CDIN1: variants seen among roughly 807,000 people sequenced by gnomAD.
The protein encoded by CDIN1 is CDAN1-interacting nuclease 1.
A neutral mutation model predicts 45.3 loss-of-function variants in CDIN1; 33 were observed. That is an observed-to-expected ratio of 0.73 (90% confidence interval 0.55 to 0.97). The LOEUF is 0.97. Among genes scored for constraint, CDIN1 ranks in the 50% least tolerant of loss-of-function variants. The pLI, the probability that CDIN1 is intolerant of heterozygous loss-of-function variation, is 0.00. For missense variants in CDIN1, 303 were observed against 339.4 expected (o/e 0.89, Z 0.84); for synonymous variants, 118 against 124.4 (o/e 0.95, Z 0.34).
At chr15:36,736,281 C>T (rs2044015769) in intron 10 of CDIN1, among the ~76,000 whole-genome samples, 1 of 152,150 alleles carries the variant, frequency 6.6e-6, no homozygotes, top group African/African-American at 2.4e-5. Flanking sequence ...AGTTTTCCCT[C>T]TTCCCTAGAA....
intron 3 of CDIN1, among the ~76,000 whole-genome samples, chr15:36,647,308 A>C (rs1202648146): frequency 6.6e-6 from 1 of 152,200 alleles, no homozygotes; most frequent in Non-Finnish European, 1.5e-5. Flanking sequence ...TACACGCCTG[A>C]GCCACTGTGC....
At chr15:36,603,702 A>C (rs2038220537) in intron 1 of CDIN1, among the ~76,000 whole-genome samples, 1 of 152,192 alleles carries the variant, frequency 6.6e-6, no homozygotes, top group Non-Finnish European at 1.5e-5. Flanking sequence ...TAAAGAGGTA[A>C]AATTCTTCCT....
chr15:36,700,651 T>C (rs1040454381), intron 8 of CDIN1, among the ~76,000 whole-genome samples: 3 of 151,566 alleles, frequency 2.0e-5, no homozygotes, highest in African/African-American at 7.3e-5. Context: ...AGCTAACTAC[T>C]CTTAAGCCTG....
intron 5 of CDIN1, among the ~76,000 whole-genome samples, chr15:36,659,165 A>G (rs2040893877): frequency 6.6e-6 from 1 of 152,206 alleles, no homozygotes. Flanking sequence ...ACTGGCCTAT[A>G]TAGAGCAGTA....
At chr15:36,650,397 A>G (rs949822923) in intron 3 of CDIN1, among the ~76,000 whole-genome samples, 1 of 149,886 alleles carries the variant, frequency 6.7e-6, no homozygotes, top group African/African-American at 2.5e-5. Context: ...AAAGCTTGAG[A>G]AAATTTTTAT....
intron 10 of CDIN1, among the ~76,000 whole-genome samples, chr15:36,768,549 AAAG>A (rs67045347): frequency 0.83 from 126,180 of 151,912 alleles, 54,116 homozygotes; most frequent in East Asian, 0.95. Context: ...GCAAGCCAGA[AAAG>A]AAGAAGTTTC....
In CDIN1 at chr15:36,579,907, T is replaced by G; in HGVS notation, c.47T>G (p.Val16Gly). Reference sequence around the variant, plus strand: ...TACGACGAGATAGCCCAGTGCCTAGTGTCTGTGCCGCCTACCAGGCAGAGC... The same window carrying G: ...TACGACGAGATAGCCCAGTGCCTAGGGTCTGTGCCGCCTACCAGGCAGAGC... The part of the protein sequence containing the change: ...AQYDEIAQCL[V>G]SVPPTRQSLR... The change falls in exon 1 of 11, where the codon GTG (valine) becomes GGG (glycine). Residue 16 changes from valine to glycine, a missense_variant. By Grantham distance (109) the Val-to-Gly change is moderately radical. Transcript: ENST00000566621. The G allele has an allele frequency of 3.1e-6, 5 of 1,613,996 alleles. No homozygotes were observed. Among genetic ancestry groups the G allele is most frequent in the Non-Finnish European group, 3.4e-6 (4 of 1,179,890 alleles).
chr15:36,737,691 G>A (rs1293523511), intron 10 of CDIN1, among the ~76,000 whole-genome samples: 2 of 152,110 alleles, frequency 1.3e-5, no homozygotes, highest in African/African-American at 4.8e-5. Flanking sequence ...ATGAGTCAGA[G>A]GACAATCACT....
At chr15:36,734,570 C>T (rs1013444050) in intron 10 of CDIN1, among the ~76,000 whole-genome samples, 3 of 152,072 alleles carry the variant, frequency 2.0e-5, no homozygotes, top group Non-Finnish European at 4.4e-5. Flanking sequence ...GAGCTTACAT[C>T]GTCACCTCAG....
At chr15:36,694,250 C>A (rs1257792515) in intron 7 of CDIN1, among the ~76,000 whole-genome samples, 1 of 152,156 alleles carries the variant, frequency 6.6e-6, no homozygotes. Context: ...TGTATAAATG[C>A]ACTTGCATAG....
chr15:36,618,964 C>T, intron 1 of CDIN1: 1 of 1,547,888 alleles, frequency 6.5e-7, no homozygotes. Flanking sequence ...TGAAGTGTGC[C>T]AGAAGCCCCC....
intron 10 of CDIN1, among the ~76,000 whole-genome samples, chr15:36,740,673 G>A (rs186767938): frequency 0.012 from 1,801 of 152,214 alleles, 29 homozygotes; most frequent in Middle Eastern, 0.041. Context: ...TGGATCACCC[G>A]AGGTCGGGAG....
At chr15:36,800,909 G>GTATATATCTATA (rs2055016503) in intron 10 of CDIN1, among the ~76,000 whole-genome samples, 1 of 22,374 alleles carries the variant, frequency 4.5e-5, no homozygotes, top group Admixed American at 9.5e-4. Flanking sequence ...GTGTGTGTGT[G>GTATATATCTATA]TATATATATA....
chr15:36,787,730 A>C (rs2054528378), intron 10 of CDIN1, among the ~76,000 whole-genome samples: 1 of 152,066 alleles, frequency 6.6e-6, no homozygotes, highest in South Asian at 2.1e-4. Context: ...GAGATAGTCT[A>C]TTCTGTCACT....
intron 5 of CDIN1, among the ~76,000 whole-genome samples, chr15:36,677,959 A>G (rs895338713): frequency 6.6e-6 from 1 of 152,196 alleles, no homozygotes; most frequent in African/African-American, 2.4e-5. Context: ...TGCCTGAGAC[A>G]AGGTTCCGAT....
At chr15:36,623,738 T>G (rs970726996) in intron 1 of CDIN1, among the ~76,000 whole-genome samples, 4 of 152,254 alleles carry the variant, frequency 2.6e-5, no homozygotes, top group Non-Finnish European at 5.9e-5. Context: ...CTAAAACCTT[T>G]AGTAAATTTT....
At chr15:36,699,690 G>A (rs2042563021) in intron 8 of CDIN1, among the ~76,000 whole-genome samples, 1 of 152,010 alleles carries the variant, frequency 6.6e-6, no homozygotes, top group Non-Finnish European at 1.5e-5. Flanking sequence ...TTTATAAAAT[G>A]CATATTTTAT....
chr15:36,649,281 A>C (rs2040478861), intron 3 of CDIN1, among the ~76,000 whole-genome samples: 1 of 152,232 alleles, frequency 6.6e-6, no homozygotes, highest in African/African-American at 2.4e-5. Context: ...GTAGGGCTAC[A>C]CAAAAACAAA....
chr15:36,727,917 A>G (rs1398448321), intron 10 of CDIN1, among the ~76,000 whole-genome samples: 1 of 152,108 alleles, frequency 6.6e-6, no homozygotes, highest in Non-Finnish European at 1.5e-5. Context: ...CAGTATTGTA[A>G]AATGGAATAC....
Sources: gnomAD v4.1 joint callset for allele counts (sites outside exome capture counted in the v4.1 genomes callset) on GRCh38, gnomAD v4.1.1 for gene constraint, MANE v1.5 for transcripts, NCBI Gene and HGNC (gene_info 2026-07-23, HGNC 2026-07-21) for gene names.